The following EVC variants were observed in gnomAD, a reference collection of about 807,000 sequenced individuals.
The protein encoded by EVC is EvC ciliary complex subunit 1.
EVC carries 116 observed loss-of-function variants against 118.9 expected under a neutral mutation model. The observed-to-expected ratio is 0.98, with a 90% CI of 0.84 to 1.14. The LOEUF (loss-of-function observed/expected upper bound fraction) is 1.14. Ranked by LOEUF, EVC falls within the 50% of genes most tolerant of loss-of-function variation. EVC has a pLI of 0.00. For synonymous variants in EVC, 619 were observed against 534.7 expected (o/e 1.16, Z -2.18); for missense variants, 1,401 against 1,246.4 (o/e 1.12, Z -1.87).
Position 5,752,937 on chromosome 4 carries a change from C to A in EVC, c.1200C>A (p.Ile400=), listed in dbSNP as rs750816331. Residue 400 remains isoleucine, a synonymous_variant, in exon 9 of 21, where the codon ATC becomes ATA. Transcript: ENST00000264956. The stretch of plus-strand genomic sequence containing the variant: ...AGACCAGGTGCCGGCTGGCTGCCAT[C>A]TCCCACGGCCTGGAGCTGCTGGCTG... The part of the protein sequence containing the change: ...QEETRCRLAA[I]SHGLELLAGE... 8.1e-6 allele frequency: 13 copies of A among 1,614,130 alleles called. No homozygotes were observed. The highest frequency in any genetic ancestry group is 1.1e-5 in the Non-Finnish European group (13 of 1,180,028).
At position 5,798,488 on chromosome 4, in the gene EVC, C is replaced by T. The variant is rs551227603; in HGVS notation, c.2098-98C>T. On this transcript the variant is annotated intron_variant, in intron 14 of 20. Coordinates refer to ENST00000264956, the MANE Select transcript of EVC (RefSeq NM_153717.3). The surrounding 1 kb of genome is among the most constrained non-coding windows in gnomAD (Gnocchi z 4.1). ...CCTTTCTCCATCCCTTTTCCAACCC[C>T]TGGGCCCTGGATAGGACCAGCCCCA... 3.6e-4 allele frequency: 456 copies of T among 1,283,626 alleles called. 1 individual carries two copies. The African/African-American group carries it at 6.0e-3, about 17-fold the overall frequency. 79.5% of individuals were successfully genotyped at this position (1,283,626 alleles called of 1,614,324 possible). A position where few individuals can be genotyped will look rare whatever the true frequency, so the allele number is the denominator to read the frequency against.
At chr4:5,828,317 T>G in the EVC span, 1 of 984,948 alleles carries the variant, frequency 1.0e-6, no homozygotes, top group African/African-American at 1.7e-5. Context: ...TGCTCACTCC[T>G]GTCCTCAGAC....
intron 11 of EVC, among the ~76,000 whole-genome samples, chr4:5,780,119 G>C (rs1013694061): frequency 6.6e-6 from 1 of 152,044 alleles, no homozygotes; most frequent in East Asian, 1.9e-4. Flanking sequence ...TTTGTCTTTG[G>C]TTCTGTTTAT....
the EVC span, among the ~76,000 whole-genome samples, chr4:5,823,636 T>G: frequency 8.5e-5 from 13 of 152,302 alleles, no homozygotes; most frequent in African/African-American, 2.6e-4. Flanking sequence ...GAACTGGTTG[T>G]TAAAGAGCAC....
chr4:5,824,726 T>C, the EVC span: 2 of 985,098 alleles, frequency 2.0e-6, no homozygotes, highest in African/African-American at 1.7e-5. Context: ...CTATCCGGCC[T>C]TCTAAGAAAA....
At chr4:5,814,840 C>T (rs1717432720), downstream of EVC, among the ~76,000 whole-genome samples, 1 of 152,102 alleles carries the variant, frequency 6.6e-6, no homozygotes, top group Non-Finnish European at 1.5e-5. Context: ...CCAGAGATCC[C>T]CCTCTGCCCC....
downstream of EVC, among the ~76,000 whole-genome samples, chr4:5,816,492 T>C (rs1032904582): frequency 5.3e-5 from 8 of 152,124 alleles, no homozygotes; most frequent in Admixed American, 3.3e-4. Flanking sequence ...GCCCCAGGAC[T>C]TCTTGCTCTA....
intron 5 of EVC, among the ~76,000 whole-genome samples, chr4:5,739,342 G>A (rs1384256578): frequency 6.6e-6 from 1 of 152,164 alleles, no homozygotes; most frequent in Admixed American, 6.5e-5. Flanking sequence ...CATTGTCATT[G>A]GCAAATATAA....
Position 5,719,472 on chromosome 4 carries a change from T to A in EVC, c.300+99T>A. The A allele has an allele frequency of 1.3e-6, 2 of 1,572,962 alleles. No individual in the cohort carries two copies. Among genetic ancestry groups the A allele is most frequent in the Non-Finnish European group, 8.7e-7 (1 of 1,145,992 alleles). On this transcript the variant is annotated intron_variant, in intron 2 of 20. Coordinates refer to ENST00000264956, the MANE Select transcript of EVC (RefSeq NM_153717.3). This position sits in a 1 kb window ranked among gnomAD's most constrained non-coding sequence, Gnocchi z 4.7. ...CATGTAGACAAGCCTCTGACAGATATAGTTTCCCAATGGGCTGCTTTTCTG... is the reference window on the plus strand; with the variant it reads ...CATGTAGACAAGCCTCTGACAGATAAAGTTTCCCAATGGGCTGCTTTTCTG...
chr4:5,734,295 GAC>G lies in EVC; in HGVS notation c.702+866_702+867del, dbSNP rs1349635241. 3.3e-5 allele frequency among the ~76,000 whole-genome samples: 5 copies of G among 152,302 alleles called. No individual in the cohort carries two copies. The East Asian group carries it at 9.7e-4, about 29-fold the overall frequency. ...GAGGAGAGCTAGAAACAGGTGGACA[GAC>G]ACACAGATATGTCTACAGGGCACTC... On this transcript the variant is annotated intron_variant, in intron 5 of 20. Coordinates refer to ENST00000264956, the MANE Select transcript of EVC (RefSeq NM_153717.3).
chr4:5,776,035 A>G (rs1734672527), intron 11 of EVC, among the ~76,000 whole-genome samples: 1 of 151,940 alleles, frequency 6.6e-6, no homozygotes, highest in Non-Finnish European at 1.5e-5. Context: ...TTTTTTTTTA[A>G]TCAAGTTAAG....
At chr4:5,773,213 C>T (rs535129928) in intron 11 of EVC, among the ~76,000 whole-genome samples, 1 of 152,330 alleles carries the variant, frequency 6.6e-6, no homozygotes. Context: ...CCATCTCCTG[C>T]TGTCCAGGTA....
At chr4:5,783,073 A>C (rs117225740) in intron 11 of EVC, among the ~76,000 whole-genome samples, 1 of 151,786 alleles carries the variant, frequency 6.6e-6, no homozygotes, top group Non-Finnish European at 1.5e-5. Flanking sequence ...GTGCATCCCA[A>C]GGCTGTGCGT....
intron 11 of EVC, among the ~76,000 whole-genome samples, chr4:5,783,016 G>C (rs550706783): frequency 3.3e-5 from 5 of 152,282 alleles, no homozygotes; most frequent in Admixed American, 6.5e-5. Flanking sequence ...GAGGAGAGCA[G>C]GTGTGAAGCT....
chr4:5,799,763 C>G (rs1714640939), intron 15 of EVC, among the ~76,000 whole-genome samples: 1 of 152,212 alleles, frequency 6.6e-6, no homozygotes, highest in African/African-American at 2.4e-5. Context: ...CTTTGCGTGT[C>G]TGTGCAGCAA....
intron 11 of EVC, among the ~76,000 whole-genome samples, chr4:5,778,508 CT>C: frequency 6.6e-6 from 1 of 152,042 alleles, no homozygotes; most frequent in African/African-American, 2.4e-5. Flanking sequence ...CTGTTGTTTC[CT>C]GACTTTTTAA....
intron 6 of EVC, 140 bp from the exon 7 acceptor site, chr4:5,745,064 A>G: frequency 1.2e-6 from 1 of 811,770 alleles, no homozygotes; most frequent in Non-Finnish European, 1.9e-6. Flanking sequence ...CCTCATGTAC[A>G]ACAACCCCCA....
At chr4:5,721,615 C>A (rs1442936529) in intron 2 of EVC, among the ~76,000 whole-genome samples, 1 of 152,168 alleles carries the variant, frequency 6.6e-6, no homozygotes, top group African/African-American at 2.4e-5. Flanking sequence ...TGCCTGTAAT[C>A]CCAGCATTTT....
Position 5,731,673 on chromosome 4 carries a change from A to G in EVC, c.617+16A>G, listed in dbSNP as rs1726845017. 1 of 1,608,084 alleles carries G rather than the reference A, an allele frequency of 6.2e-7. No homozygotes were observed. Among genetic ancestry groups the G allele is most frequent in the African/African-American group, 1.3e-5 (1 of 74,726 alleles). ...CCTGCGAGAGGTAAGGAGAGCGGGCAATGGAGGATGAGGCTTCCAGTCCTC... is the reference window on the plus strand; with the variant it reads ...CCTGCGAGAGGTAAGGAGAGCGGGCGATGGAGGATGAGGCTTCCAGTCCTC... On this transcript the variant is annotated intron_variant, in intron 4 of 20. Transcript: ENST00000264956. This position sits in a 1 kb window ranked among gnomAD's most constrained non-coding sequence, Gnocchi z 5.6.
Sources: gnomAD v4.1 joint callset for allele counts (sites outside exome capture counted in the v4.1 genomes callset) on GRCh38, gnomAD v4.1.1 for gene constraint, Gnocchi (gnomAD v3.1) non-coding constraint, MANE v1.5 for transcripts, NCBI Gene and HGNC (gene_info 2026-07-23, HGNC 2026-07-21) for gene names.